Variants in SDC4 observed in about 807,000 individuals in gnomAD.
SDC4 encodes syndecan 4, also known as syndecan-4.
In SDC4, 17 loss-of-function variants were observed where a neutral mutation model predicts 20.5. The observed-to-expected ratio is 0.83, with a 90% CI of 0.57 to 1.25. The LOEUF is 1.25. Among genes scored for constraint, SDC4 ranks in the 50% most tolerant of loss-of-function variants. The pLI is 0.00. For missense variants in SDC4, 241 were observed against 252.3 expected, an observed-to-expected ratio of 0.96 and a Z score of 0.30; for synonymous variants, 107 against 105.3, an observed-to-expected ratio of 1.02 and a Z score of -0.10.
At chr20:45,335,997 T>G in intron 1 of SDC4, 77 bp from the exon 2 acceptor site, 8 of 1,518,738 alleles carry the variant, frequency 5.3e-6, no homozygotes, top group Non-Finnish European at 7.2e-6. Flanking sequence ...GCTAGTGAAG[T>G]GGGCATTCAG....
At chr20:45,346,811 C>G (rs1981431) in intron 1 of SDC4, among the ~76,000 whole-genome samples, 1 of 151,964 alleles carries the variant, frequency 6.6e-6, no homozygotes, top group Admixed American at 6.6e-5. Context: ...GCCTTCCAGC[C>G]TAAAATCTCA....
chr20:45,346,190 G>A (rs1158982829), intron 1 of SDC4, among the ~76,000 whole-genome samples: 5 of 152,164 alleles, frequency 3.3e-5, no homozygotes, highest in South Asian at 2.1e-4. Flanking sequence ...AAAAGGACAC[G>A]CTGGATCATC....
chr20:45,338,451 G>A (rs1217603397), intron 1 of SDC4, among the ~76,000 whole-genome samples: 1 of 152,212 alleles, frequency 6.6e-6, no homozygotes, highest in Non-Finnish European at 1.5e-5. Context: ...AGGGGCTGTA[G>A]TTCCATCAGG....
At chr20:45,344,466 T>C (rs550687591) in intron 1 of SDC4, among the ~76,000 whole-genome samples, 1 of 152,284 alleles carries the variant, frequency 6.6e-6, no homozygotes, top group East Asian at 1.9e-4. Context: ...TCCAGCCCCT[T>C]ACCCCAATTT....
rs777983925 is a variant in SDC4 at position 45,335,854 on chromosome 20, G to C, written c.127C>G (p.Pro43Ala). 1 of 1,613,956 alleles carries C rather than the reference G, an allele frequency of 6.2e-7. No individual in the cohort carries two copies. Among genetic ancestry groups the C allele is most frequent in the South Asian group, 1.1e-5 (1 of 91,082 alleles). ...LEGRYFSGAL[P>A]DDEDVVGPGQ... ...GGCCCCACTACATCCTCATCGTCTGGTAGGGCTCCGGAGAAGTATCGGCCT... is the reference window on the plus strand; with the variant it reads ...GGCCCCACTACATCCTCATCGTCTGCTAGGGCTCCGGAGAAGTATCGGCCT... Residue 43 changes from proline (P) to alanine (A), a missense_variant, in exon 2 of 5, where the codon CCA becomes GCA. Pro to Ala is a conservative substitution (Grantham distance 27). Coordinates refer to ENST00000372733, the MANE Select transcript of SDC4 (RefSeq NM_002999.4).
chr20:45,332,878 A>G lies in SDC4; in HGVS notation c.246+145T>C, dbSNP rs1568905013. On this transcript the variant is annotated intron_variant, in intron 3 of 4. Coordinates refer to ENST00000372733, the MANE Select transcript of SDC4 (RefSeq NM_002999.4). ...AGGCCTGAGCCACCATGCCCACCCC[A>G]GGGCCAGATTTTTAAAAAGCCTTCC... 4 of 731,074 alleles carry G rather than the reference A, an allele frequency of 5.5e-6. No individual in the cohort carries two copies. In the South Asian group the frequency reaches 7.4e-5, roughly 14 times the overall value. 45.3% of individuals were successfully genotyped at this position (731,074 alleles called of 1,614,324 possible). A position where few individuals can be genotyped will look rare whatever the true frequency, so the allele number is the denominator to read the frequency against.
chr20:45,333,270 A>G (rs959815614), intron 2 of SDC4, among the ~76,000 whole-genome samples: 6 of 152,238 alleles, frequency 3.9e-5, no homozygotes, highest in African/African-American at 1.4e-4. Context: ...TTTCACAGGA[A>G]TGTGTGAGCT....
chr20:45,336,362 A>G (rs1987867997), intron 1 of SDC4, among the ~76,000 whole-genome samples: 1 of 152,190 alleles, frequency 6.6e-6, no homozygotes, highest in African/African-American at 2.4e-5. Flanking sequence ...GCAATAAGCC[A>G]GGATCACGCC....
intron 4 of SDC4, among the ~76,000 whole-genome samples, chr20:45,329,392 C>A (rs1176087820): frequency 6.6e-6 from 1 of 152,198 alleles, no homozygotes; most frequent in Non-Finnish European, 1.5e-5. Flanking sequence ...TTAATTAGAG[C>A]AAAACCTTAT....
In SDC4 at chr20:45,347,256, A is replaced by G. The variant is rs148151750; in HGVS notation, c.60+1069T>C. Among the ~76,000 whole-genome samples the G allele has an allele frequency of 3.1e-4, 47 of 152,316 alleles. 1 individual carries two copies. Among genetic ancestry groups the G allele is most frequent in the African/African-American group, 1.1e-3 (44 of 41,562 alleles). On this transcript the variant is annotated intron_variant, in intron 1 of 4. Transcript: ENST00000372733. ...CAGGAGCCCCAAGGCTTTCAAAGAA[A>G]TTAACATTAATGGTTAAACTGCAAG...
intron 3 of SDC4, among the ~76,000 whole-genome samples, chr20:45,332,814 G>C (rs1056763066): frequency 2.0e-5 from 3 of 151,852 alleles, no homozygotes; most frequent in African/African-American, 2.4e-5. Context: ...GGCTGGTCTT[G>C]AACTCCTGAC....
At chr20:45,327,698 C>T (rs1426963980) in intron 4 of SDC4, among the ~76,000 whole-genome samples, 1 of 152,100 alleles carries the variant, frequency 6.6e-6, no homozygotes, top group Non-Finnish European at 1.5e-5. Flanking sequence ...GAGCTGAGTG[C>T]AGTGGCGTGA....
intron 1 of SDC4, among the ~76,000 whole-genome samples, chr20:45,342,699 G>A (rs1357584904): frequency 1.3e-5 from 2 of 152,156 alleles, no homozygotes; most frequent in South Asian, 2.1e-4. Context: ...GCTGGGAAGT[G>A]GGGGAGGGAG....
rs533635970 is a variant in SDC4, at chr20:45,327,072, G to A, written c.*192C>T. ...TCCATTTTTCTGCCAGGGCAACTGA[G>A]GCCCAAAGCTCAAGAAGAACCTGGC... On this transcript the variant is annotated 3_prime_UTR_variant, in exon 5 of 5. Coordinates refer to ENST00000372733, the MANE Select transcript of SDC4 (RefSeq NM_002999.4). 8.9e-6 allele frequency: 5 copies of A among 559,326 alleles called. No homozygotes were observed. The Admixed American group carries it at 1.6e-4, about 18-fold the overall frequency. 34.6% of individuals were successfully genotyped at this position (559,326 alleles called of 1,614,324 possible). A position where few individuals can be genotyped will look rare whatever the true frequency, so the allele number is the denominator to read the frequency against.
intron 1 of SDC4, among the ~76,000 whole-genome samples, chr20:45,346,219 C>T (rs1400843899): frequency 6.6e-6 from 1 of 152,298 alleles, no homozygotes; most frequent in Admixed American, 6.5e-5. Context: ...CCGAGCCAAC[C>T]GTGACTATGT....
chr20:45,332,793 C>A (rs1335795043), intron 3 of SDC4, among the ~76,000 whole-genome samples: 1 of 152,066 alleles, frequency 6.6e-6, no homozygotes, highest in African/African-American at 2.4e-5. Context: ...CAGGTTTCAT[C>A]GTGTTGCCCA....
Position 45,348,307 on chromosome 20 carries a change from G to A in SDC4, c.60+18C>T. 3 of 1,571,846 alleles carry A rather than the reference G, an allele frequency of 1.9e-6. No individual in the cohort carries two copies. Among genetic ancestry groups the A allele is most frequent in the Non-Finnish European group, 2.6e-6 (3 of 1,160,152 alleles). On this transcript the variant is annotated intron_variant, in intron 1 of 4. Coordinates refer to ENST00000372733, the MANE Select transcript of SDC4 (RefSeq NM_002999.4). ...CGCCCCCGCTTCGCCCCCAGCCCGGGAACCTCCAAGCACCCACCGACTCGG... is the reference window on the plus strand; with the variant it reads ...CGCCCCCGCTTCGCCCCCAGCCCGGAAACCTCCAAGCACCCACCGACTCGG...
At chr20:45,344,296 C>T (rs1381613776) in intron 1 of SDC4, among the ~76,000 whole-genome samples, 1 of 104,692 alleles carries the variant, frequency 9.6e-6, no homozygotes, top group Non-Finnish European at 2.1e-5. Flanking sequence ...TATGTCCCCT[C>T]GAGCCCCGGA....
At chr20:45,345,657 C>G (rs1452494967) in intron 1 of SDC4, 1 of 152,392 alleles carries the variant, frequency 6.6e-6, no homozygotes, top group Non-Finnish European at 1.5e-5. Context: ...GTGGGGGACA[C>G]TTCCCCACAA....
Sources: allele counts gnomAD v4.1 joint callset (sites outside exome capture counted in the v4.1 genomes callset), GRCh38; gene constraint gnomAD v4.1.1; transcripts MANE v1.5; gene names NCBI Gene and HGNC (gene_info 2026-07-23, HGNC 2026-07-21).